CABIN1: variants seen among roughly 807,000 people sequenced by gnomAD.
CABIN1 encodes the protein calcineurin binding protein 1.
In CABIN1, 133 loss-of-function variants were observed where a neutral mutation model predicts 227.7. The ratio of observed to expected loss-of-function variants is 0.58; its 90% CI spans 0.51 to 0.67. CABIN1 has a LOEUF of 0.67. CABIN1 is among the 30% of genes least tolerant of loss of function. The probability of loss-of-function intolerance (pLI) is 0.00; values close to 1 mark genes in which losing one functional copy is unlikely to be tolerated. For synonymous variants in CABIN1, 1,086 were observed against 1,155.1 expected, an observed-to-expected ratio of 0.94 and a Z score of 1.21; for missense variants, 2,408 against 2,852.5, an observed-to-expected ratio of 0.84 and a Z score of 3.55.
chr22:24,020,763 A>G (rs976377975), intron 1 of CABIN1, among the ~76,000 whole-genome samples: 1 of 152,124 alleles, frequency 6.6e-6, no homozygotes, highest in Non-Finnish European at 1.5e-5. Context: ...AGTTTTAAGC[A>G]TTATGATTGG....
intron 15 of CABIN1, 68 bp downstream of exon 15, chr22:24,064,255 G>C (rs778844452): frequency 6.5e-7 from 1 of 1,538,128 alleles, no homozygotes. Flanking sequence ...GCCTAGGCTG[G>C]AGTGTAATAG....
Position 24,166,999 on chromosome 22 carries a change from C to A in CABIN1, c.5368C>A (p.Pro1790Thr). ...AGGTCGCCCCGCAAGGGACCGGGGC[C>A]CCGAGAGCCGGCCCACTGAGCTGTC... is the stretch of plus-strand genomic sequence containing the variant. ...LPGRPARDRG[P>T]ESRPTELSLE... is the part of the protein sequence containing the mutation. Residue 1790 changes from proline (P) to threonine (T), a missense_variant, in exon 32 of 37, where the codon CCC (proline) becomes ACC (threonine). Coordinates refer to ENST00000263119, the MANE Select transcript of CABIN1 (RefSeq NM_012295.4). The A allele has an allele frequency of 6.4e-7, 1 of 1,565,648 alleles. No individual in the cohort carries two copies. Among genetic ancestry groups the A allele is most frequent in the East Asian group, 2.4e-5 (1 of 41,844 alleles).
At chr22:24,026,060 C>G (rs1019549016) in intron 1 of CABIN1, among the ~76,000 whole-genome samples, 13 of 152,184 alleles carry the variant, frequency 8.5e-5, no homozygotes, top group Non-Finnish European at 1.2e-4. Flanking sequence ...TGGTCTCGAA[C>G]TCCTGAGCTC....
intron 8 of CABIN1, among the ~76,000 whole-genome samples, chr22:24,054,390 G>A (rs34943170): frequency 0.018 from 2,797 of 152,268 alleles, 34 homozygotes; most frequent in Middle Eastern, 0.031. Context: ...ATCCACTGAG[G>A]TGCTGCTCCC....
chr22:24,158,068 G>A (rs1000205984), intron 29 of CABIN1, among the ~76,000 whole-genome samples: 3 of 152,240 alleles, frequency 2.0e-5, no homozygotes, highest in Non-Finnish European at 2.9e-5. Context: ...CCCGTGCCAC[G>A]GGGGATGCTG....
At chr22:24,137,738 TC>T (rs2044507373) in intron 29 of CABIN1, among the ~76,000 whole-genome samples, 1 of 152,258 alleles carries the variant, frequency 6.6e-6, no homozygotes, top group African/African-American at 2.4e-5. Flanking sequence ...GCTGGGCAGT[TC>T]CTGAATGCTT....
chr22:24,113,765 C>G lies in CABIN1; in HGVS notation c.4300+17C>G. ...AAGAAAGAGGTATGAAGCCCTAACTCGGTGAATTAGAACCACTTTGATGTC... is the reference window on the plus strand; with the variant it reads ...AAGAAAGAGGTATGAAGCCCTAACTGGGTGAATTAGAACCACTTTGATGTC... On this transcript the variant is annotated intron_variant, in intron 27 of 36. Transcript: ENST00000263119. The G allele has an allele frequency of 6.2e-7, 1 of 1,613,278 alleles. No homozygotes were observed. The highest frequency in any genetic ancestry group is 1.1e-5 in the South Asian group (1 of 91,040).
At chr22:24,148,125 C>T (rs1328772921) in intron 29 of CABIN1, among the ~76,000 whole-genome samples, 7 of 152,128 alleles carry the variant, frequency 4.6e-5, no homozygotes, top group African/African-American at 1.2e-4. Context: ...CTTGGCAGTG[C>T]CACCACTACA....
intron 8 of CABIN1, among the ~76,000 whole-genome samples, chr22:24,052,993 A>G (rs2038471452): frequency 6.6e-6 from 1 of 151,862 alleles, no homozygotes; most frequent in African/African-American, 2.4e-5. Flanking sequence ...AAAAAGATAG[A>G]AGAAATTCCT....
Position 24,172,325 on chromosome 22 carries a change from A to G in CABIN1, c.6040+330A>G, listed in dbSNP as rs954435227. The stretch of plus-strand genomic sequence containing the variant: ...CCACAAAGCCTTATAGTAAGTAGGA[A>G]GGATGGCTTGGTCAGGTAGGAAAAG... On this transcript the variant is annotated intron_variant, in intron 34 of 36. Transcript: ENST00000263119. 5.9e-5 allele frequency among the ~76,000 whole-genome samples: 9 copies of G among 152,234 alleles called. 1 individual carries two copies. Among genetic ancestry groups the G allele is most frequent in the African/African-American group, 2.2e-4 (9 of 41,464 alleles).
intron 1 of CABIN1, among the ~76,000 whole-genome samples, chr22:24,023,664 A>G (rs2146632536): frequency 6.6e-6 from 1 of 152,162 alleles, no homozygotes. Flanking sequence ...CAATTCCCTG[A>G]TAAGCATCTT....
At chr22:24,031,622 C>T (rs188051375) in intron 1 of CABIN1, among the ~76,000 whole-genome samples, 6 of 152,284 alleles carry the variant, frequency 3.9e-5, no homozygotes, top group African/African-American at 7.2e-5. Flanking sequence ...GCAGTTCAGA[C>T]GGAGGCTATG....
intron 8 of CABIN1, among the ~76,000 whole-genome samples, chr22:24,051,294 G>C (rs1381770796): frequency 6.6e-6 from 1 of 152,144 alleles, no homozygotes; most frequent in South Asian, 2.1e-4. Flanking sequence ...CATTTGCCAA[G>C]CACTTGCCAG....
chr22:24,111,404 C>T (rs13054861), intron 26 of CABIN1, among the ~76,000 whole-genome samples: 2,801 of 152,234 alleles, frequency 0.018, 34 homozygotes, highest in Middle Eastern at 0.031. Flanking sequence ...GGCTCCTGTC[C>T]AATCAGTGGC....
chr22:24,097,374 T>C (rs1228922207), intron 25 of CABIN1, among the ~76,000 whole-genome samples: 1 of 152,250 alleles, frequency 6.6e-6, no homozygotes, highest in African/African-American at 2.4e-5. Flanking sequence ...TAAGGTTTCA[T>C]TTATTTTATA....
intron 6 of CABIN1, among the ~76,000 whole-genome samples, chr22:24,044,962 C>G (rs1207505544): frequency 6.6e-6 from 1 of 151,274 alleles, no homozygotes; most frequent in Non-Finnish European, 1.5e-5. Flanking sequence ...CTCTGTCACC[C>G]AGGCTGGAGT....
intron 27 of CABIN1, among the ~76,000 whole-genome samples, chr22:24,117,841 A>G (rs1278821359): frequency 1.3e-5 from 2 of 152,254 alleles, no homozygotes; most frequent in African/African-American, 4.8e-5. Flanking sequence ...TGCCTAGCAC[A>G]GGGCTGATCC....
At chr22:24,123,186 C>T (rs2043523027) in intron 28 of CABIN1, among the ~76,000 whole-genome samples, 1 of 152,190 alleles carries the variant, frequency 6.6e-6, no homozygotes, top group Non-Finnish European at 1.5e-5. Context: ...CTGTCTGCAC[C>T]ATTGATGTCA....
chr22:24,074,524 TG>T (rs1026683487), intron 18 of CABIN1, among the ~76,000 whole-genome samples: 1 of 152,142 alleles, frequency 6.6e-6, no homozygotes, highest in Non-Finnish European at 1.5e-5. Flanking sequence ...ATCCCACCCT[TG>T]GCCTTGGCAG....
Sources: gnomAD v4.1 joint callset for allele counts (sites outside exome capture counted in the v4.1 genomes callset) on GRCh38, gnomAD v4.1.1 for gene constraint, MANE v1.5 for transcripts, NCBI Gene and HGNC (gene_info 2026-07-23, HGNC 2026-07-21) for gene names.